AMELX: variants seen among roughly 807,000 people sequenced by gnomAD.
AMELX encodes amelogenin X-linked, also known as amelogenin, X isoform.
AMELX carries 9 observed loss-of-function variants against 15.8 expected under a neutral mutation model. The ratio of observed to expected loss-of-function variants is 0.57; its 90% CI spans 0.34 to 0.99. AMELX has a LOEUF of 0.99. AMELX is among the 50% of genes least tolerant of loss of function. The probability of loss-of-function intolerance (pLI) is 0.02; values close to 1 mark genes in which losing one functional copy is unlikely to be tolerated. For missense variants in AMELX, 107 were observed against 156.2 expected (o/e 0.68, Z 1.68); for synonymous variants, 61 against 58.8 (o/e 1.04, Z -0.17).
intron 2 of AMELX, 25 bp downstream of exon 2, chrX:11,294,867 G>A (rs778080525): frequency 8.3e-7 from 1 of 1,206,869 alleles, no homozygotes. Flanking sequence ...CCTTGCATAA[G>A]TCAGTGTCCA....
chrX:11,298,615 A>G lies in AMELX; in HGVS notation c.212A>G (p.Gln71Arg). ...LHHQIIPVLS[Q>R]QHPPTHTLQP... ...CACCAAATCATCCCCGTGCTGTCCCAACAGCACCCCCCGACTCACACCCTG... is the reference window on the plus strand; with the variant it reads ...CACCAAATCATCCCCGTGCTGTCCCGACAGCACCCCCCGACTCACACCCTG... The change falls in exon 5 of 6, where the codon CAA becomes CGA. Residue 71 changes from glutamine (Q) to arginine (R), a missense_variant. Gln to Arg is a conservative substitution (Grantham distance 43). Coordinates refer to ENST00000380714, the MANE Select transcript of AMELX (RefSeq NM_001142.2). 8.3e-7 allele frequency: 1 copy of G among 1,209,965 alleles called. No homozygotes were observed. The highest frequency in any genetic ancestry group is 1.8e-5 in the South Asian group (1 of 56,889).
At chrX:11,301,609 T>C (rs749631446), downstream of AMELX, among the ~76,000 whole-genome samples, 1 of 111,901 alleles carries the variant, frequency 8.9e-6, no homozygotes, top group African/African-American at 3.2e-5. Context: ...TTCAAACAAA[T>C]AACTTGATTT....
chrX:11,297,489 T>C (rs1392892928), intron 3 of AMELX, among the ~76,000 whole-genome samples: 2 of 112,389 alleles, frequency 1.8e-5, no homozygotes, highest in African/African-American at 3.2e-5. Flanking sequence ...TGAAAAGTGC[T>C]TTGTCAAGTA....
chrX:11,304,777 C>A (rs1253476586), downstream of AMELX, among the ~76,000 whole-genome samples: 5 of 50,283 alleles, frequency 9.9e-5, no homozygotes, highest in African/African-American at 3.5e-4. Flanking sequence ...CTTTCTTTTA[C>A]TTTTTTTTTT....
the AMELX span, among the ~76,000 whole-genome samples, chrX:11,307,622 G>A: frequency 8.9e-6 from 1 of 112,576 alleles, no homozygotes; most frequent in South Asian, 3.7e-4. Flanking sequence ...TCTTAATCTG[G>A]AAGTAGGTAC....
intron 2 of AMELX, among the ~76,000 whole-genome samples, chrX:11,296,305 A>G (rs1438537565): frequency 2.7e-5 from 3 of 112,415 alleles, no homozygotes; most frequent in African/African-American, 9.7e-5. Context: ...ACAAGGGAAC[A>G]TTCGTGAGAC....
At chrX:11,304,006 C>G (rs907620142), downstream of AMELX, among the ~76,000 whole-genome samples, 11 of 111,818 alleles carry the variant, frequency 9.8e-5, no homozygotes. Flanking sequence ...CCAAAGAGAA[C>G]ACTACCCAGT....
intron 3 of AMELX, among the ~76,000 whole-genome samples, chrX:11,297,751 CTG>C (rs954578662): frequency 6.2e-5 from 7 of 112,140 alleles, no homozygotes; most frequent in Non-Finnish European, 1.1e-4. Context: ...ATCAGTCAAT[CTG>C]TGTTTCTAGG....
downstream of AMELX, among the ~76,000 whole-genome samples, chrX:11,305,401 A>G (rs1174681959): frequency 8.9e-6 from 1 of 112,487 alleles, no homozygotes; most frequent in African/African-American, 3.2e-5. Flanking sequence ...CAAAATTTTT[A>G]AAAACCGTCC....
chrX:11,296,744 CTCTT>C, intron 2 of AMELX, 31 bp from the exon 3 acceptor site: 1 of 1,173,739 alleles, frequency 8.5e-7, no homozygotes, highest in Non-Finnish European at 1.2e-6. Flanking sequence ...CCCTTCCTCT[CTCTT>C]TCTATTCTCC....
chrX:11,296,806 T>C lies in AMELX; in HGVS notation c.82T>C (p.Tyr28His), dbSNP rs1383332119. 1 of 1,211,265 alleles carries C rather than the reference T, an allele frequency of 8.3e-7. No individual in the cohort carries two copies. The highest frequency in any genetic ancestry group is 3.0e-5 in the East Asian group (1 of 33,831). Residue 28 changes from tyrosine to histidine, a missense_variant, in exon 3 of 6, where the codon TAT (tyrosine) becomes CAT (histidine). By Grantham distance (83) the Tyr-to-His change is moderately conservative. Transcript: ENST00000380714. ...ACCACCTCATCCTGGGCACCCTGGT[T>C]ATATCAACTTCAGCTATGAGGTAAT... is the stretch of plus-strand genomic sequence containing the variant. ...PLPPHPGHPG[Y>H]INFSYEVLTP...
the AMELX span, among the ~76,000 whole-genome samples, chrX:11,308,071 G>A: frequency 8.9e-6 from 1 of 112,277 alleles, no homozygotes; most frequent in East Asian, 2.8e-4. Context: ...GATAGAGAGA[G>A]GAAGAAATTT....
At chrX:11,293,604 A>G (rs747112409) in intron 1 of AMELX, 136 bp downstream of exon 1, 27 of 112,160 alleles carry the variant, frequency 2.4e-4, no homozygotes, top group African/African-American at 8.7e-4. Context: ...TAGTTGGCCC[A>G]TAATTAAATT....
downstream of AMELX, among the ~76,000 whole-genome samples, chrX:11,301,686 A>G (rs747166547): frequency 1.8e-5 from 2 of 112,243 alleles, no homozygotes; most frequent in Non-Finnish European, 3.8e-5. Flanking sequence ...GACCAATTCT[A>G]ATCAATTGAG....
At chrX:11,299,844 G>A (rs1370040746) in intron 5 of AMELX, among the ~76,000 whole-genome samples, 2 of 111,982 alleles carry the variant, frequency 1.8e-5, no homozygotes, top group African/African-American at 6.5e-5. Context: ...CCTCAAAGAC[G>A]AGGCAGTATT....
At chrX:11,307,491 A>C in the AMELX span, among the ~76,000 whole-genome samples, 1 of 112,075 alleles carries the variant, frequency 8.9e-6, no homozygotes, top group Non-Finnish European at 1.9e-5. Context: ...TAGGGAAGGA[A>C]ATGTTTGCAA....
Position 11,300,643 on chromosome X carries a change from T to C in AMELX, c.*31T>C. Reference sequence around the variant, plus strand: ...CAGAAGATGAGAGGGGAATGAATACTTCAGATGCTTTCAGGAGTGACACAA... The same window carrying C: ...CAGAAGATGAGAGGGGAATGAATACCTCAGATGCTTTCAGGAGTGACACAA... On this transcript the variant is annotated 3_prime_UTR_variant, in exon 6 of 6. Coordinates refer to ENST00000380714, the MANE Select transcript of AMELX (RefSeq NM_001142.2). 1 of 1,178,773 alleles carries C rather than the reference T, an allele frequency of 8.5e-7. No individual in the cohort carries two copies. The highest frequency in any genetic ancestry group is 1.2e-6 in the Non-Finnish European group (1 of 867,827).
intron 2 of AMELX, among the ~76,000 whole-genome samples, chrX:11,295,522 C>A (rs1332864436): frequency 9.0e-6 from 1 of 111,452 alleles, no homozygotes; most frequent in Non-Finnish European, 1.9e-5. Flanking sequence ...GGGCAGAGAA[C>A]TTAGATCACA....
At chrX:11,296,019 C>CT (rs1603033202) in intron 2 of AMELX, among the ~76,000 whole-genome samples, 1 of 111,578 alleles carries the variant, frequency 9.0e-6, no homozygotes, top group Admixed American at 9.5e-5. Flanking sequence ...TTCAGGTGGC[C>CT]TTTTATTTTT....
Sources: gnomAD v4.1 joint callset for allele counts (sites outside exome capture counted in the v4.1 genomes callset) on GRCh38, gnomAD v4.1.1 for gene constraint, MANE v1.5 for transcripts, NCBI Gene and HGNC (gene_info 2026-07-23, HGNC 2026-07-21) for gene names.